SH3GL1: variants seen among roughly 807,000 people sequenced by gnomAD.
SH3GL1 encodes endophilin-A2.
In SH3GL1, 21 loss-of-function variants were observed where a neutral mutation model predicts 48.8. The ratio of observed to expected loss-of-function variants is 0.43; its 90% CI spans 0.30 to 0.62. The LOEUF is 0.62. SH3GL1 is among the 20% of genes least tolerant of loss of function. SH3GL1 has a pLI of 0.11. For missense variants in SH3GL1, 454 were observed against 503.0 expected, an observed-to-expected ratio of 0.90 and a Z score of 0.93; for synonymous variants, 282 against 217.5, an observed-to-expected ratio of 1.30 and a Z score of -2.61.
chr19:4,385,230 C>T (rs1456122752), intron 1 of SH3GL1, among the ~76,000 whole-genome samples: 2 of 152,198 alleles, frequency 1.3e-5, no homozygotes, highest in African/African-American at 2.4e-5. Flanking sequence ...GAAGGCACGC[C>T]GGCCCTGCTC....
chr19:4,392,889 C>T (rs1457095209), intron 1 of SH3GL1, among the ~76,000 whole-genome samples: 2 of 151,792 alleles, frequency 1.3e-5, no homozygotes, highest in African/African-American at 4.8e-5. Flanking sequence ...TGCAGTGAGA[C>T]AAGATCGTGC....
rs1226839862 is a variant in SH3GL1, at chr19:4,361,393, A to G, written c.*207T>C. The G allele has an allele frequency of 1.7e-6, 1 of 580,908 alleles. No individual in the cohort carries two copies. The highest frequency in any genetic ancestry group is 3.1e-6 in the Non-Finnish European group (1 of 326,192). The allele number at this position is 580,908 out of a possible 1,614,324, so 36.0% of individuals were successfully genotyped here. A position where few individuals can be genotyped will look rare whatever the true frequency, so the allele number is the denominator to read the frequency against. On this transcript the variant is annotated 3_prime_UTR_variant, in exon 10 of 10. Coordinates refer to ENST00000269886, the MANE Select transcript of SH3GL1 (RefSeq NM_003025.4). ...GCCGTCACCGTTGGGAGTCAGCGCT[A>G]GTGTAAACAGGCATCCCCACCCACC...
chr19:4,377,712 A>G (rs1269450726), intron 1 of SH3GL1, among the ~76,000 whole-genome samples: 1 of 152,110 alleles, frequency 6.6e-6, no homozygotes. Context: ...GCTCTGGCGC[A>G]TGGGTGCCCC....
In SH3GL1 at chr19:4,360,486, A is replaced by AG. The variant is rs562664946; in HGVS notation, c.*1113dup. ...CTGCGCCCCTCATGTACTTCTGACG[A>AG]GGGGGGTGCAGGGCAGGGCAGAGCA... On this transcript the variant is annotated 3_prime_UTR_variant, in exon 10 of 10. Coordinates refer to ENST00000269886, the MANE Select transcript of SH3GL1 (RefSeq NM_003025.4). 6 of 233,672 alleles carry AG rather than the reference A, an allele frequency of 2.6e-5. No individual in the cohort carries two copies. The highest frequency in any genetic ancestry group is 1.2e-4 in the East Asian group (2 of 16,516). 14.5% of individuals were successfully genotyped at this position (233,672 alleles called of 1,614,324 possible).
intron 1 of SH3GL1, among the ~76,000 whole-genome samples, chr19:4,382,368 C>T (rs965393131): frequency 6.6e-5 from 10 of 151,494 alleles, no homozygotes; most frequent in Non-Finnish European, 1.0e-4. Flanking sequence ...CGCCATTCTC[C>T]TGCCTCAGCC....
chr19:4,367,664 C>T lies in SH3GL1; in HGVS notation c.46-670G>A, dbSNP rs990973569. 6.6e-6 allele frequency among the ~76,000 whole-genome samples: 1 copy of T among 152,208 alleles called. No individual in the cohort carries two copies. The highest frequency in any genetic ancestry group is 1.5e-5 in the Non-Finnish European group (1 of 68,044). On this transcript the variant is annotated intron_variant, in intron 1 of 9. Transcript: ENST00000269886. This position sits in a 1 kb window ranked among gnomAD's most constrained non-coding sequence, Gnocchi z 4.2. ...GCTACGGTGAAAGCGATGACAATGACAGGCACTTACAGCGTCTTTCCTCGT... is the reference window on the plus strand; with the variant it reads ...GCTACGGTGAAAGCGATGACAATGATAGGCACTTACAGCGTCTTTCCTCGT...
intron 1 of SH3GL1, among the ~76,000 whole-genome samples, chr19:4,394,422 G>A (rs1214057837): frequency 6.6e-6 from 1 of 152,132 alleles, no homozygotes; most frequent in African/African-American, 2.4e-5. Flanking sequence ...CAGGGAGATG[G>A]GACCATGACG....
rs1173684905 is a variant in SH3GL1, at chr19:4,376,755, G to A, written c.46-9761C>T. On this transcript the variant is annotated intron_variant, in intron 1 of 9. Coordinates refer to ENST00000269886, the MANE Select transcript of SH3GL1 (RefSeq NM_003025.4). This position sits in a 1 kb window ranked among gnomAD's most constrained non-coding sequence, Gnocchi z 4.3. ...CTCTGTCCATCCAAATGTCCCCATG[G>A]CTGCAAGGCTGCCCCACCCTCCTGC... Among the ~76,000 whole-genome samples, 2 of 152,114 alleles carry A rather than the reference G, an allele frequency of 1.3e-5. No individual in the cohort carries two copies. The highest frequency in any genetic ancestry group is 3.9e-4 in the East Asian group (2 of 5,186).
At chr19:4,384,942 A>G (rs2144908372) in intron 1 of SH3GL1, among the ~76,000 whole-genome samples, 2 of 152,214 alleles carry the variant, frequency 1.3e-5, no homozygotes, top group African/African-American at 4.8e-5. Flanking sequence ...TGTCCCTACT[A>G]AAAATATGAA....
chr19:4,371,129 G>T (rs1972891876), intron 1 of SH3GL1, among the ~76,000 whole-genome samples: 1 of 152,266 alleles, frequency 6.6e-6, no homozygotes, highest in African/African-American at 2.4e-5. Flanking sequence ...CCTGGGAGAA[G>T]GGGGCTATTC....
chr19:4,372,957 G>T (rs1048512677), intron 1 of SH3GL1, among the ~76,000 whole-genome samples: 1 of 152,268 alleles, frequency 6.6e-6, no homozygotes, highest in African/African-American at 2.4e-5. Flanking sequence ...GGCGCTGGCT[G>T]CAGGCAGCTC....
chr19:4,393,651 G>C (rs552586909), intron 1 of SH3GL1, among the ~76,000 whole-genome samples: 2 of 151,908 alleles, frequency 1.3e-5, no homozygotes, highest in African/African-American at 4.8e-5. Flanking sequence ...TGAGCTGGGC[G>C]TGGTGGTATG....
intron 1 of SH3GL1, among the ~76,000 whole-genome samples, chr19:4,396,647 A>G (rs1973429945): frequency 6.6e-6 from 1 of 152,024 alleles, no homozygotes; most frequent in African/African-American, 2.4e-5. Context: ...TTTTGGTATA[A>G]TTATCCTCAT....
chr19:4,370,204 C>A (rs926218353), intron 1 of SH3GL1, among the ~76,000 whole-genome samples: 5 of 152,202 alleles, frequency 3.3e-5, no homozygotes, highest in African/African-American at 1.2e-4. Context: ...AGCCCCAATG[C>A]CCCCGCATCA....
At chr19:4,379,745 G>A (rs925490391) in intron 1 of SH3GL1, among the ~76,000 whole-genome samples, 1 of 152,072 alleles carries the variant, frequency 6.6e-6, no homozygotes, top group Non-Finnish European at 1.5e-5. Flanking sequence ...GGGCGAGCCT[G>A]TGGCCGTGAC....
intron 1 of SH3GL1, among the ~76,000 whole-genome samples, chr19:4,393,555 G>A (rs890023457): frequency 1.3e-5 from 2 of 152,138 alleles, no homozygotes; most frequent in Admixed American, 1.3e-4. Flanking sequence ...CACTTTGGGA[G>A]GCCAAGGCAG....
chr19:4,366,831 C>A, intron 2 of SH3GL1, 95 bp downstream of exon 2: 1 of 1,282,318 alleles, frequency 7.8e-7, no homozygotes, highest in Non-Finnish European at 1.1e-6. Context: ...CACTCCAGAC[C>A]CAGGCCCATC....
At chr19:4,396,600 G>GT (rs944698160) in intron 1 of SH3GL1, among the ~76,000 whole-genome samples, 4 of 152,016 alleles carry the variant, frequency 2.6e-5, no homozygotes, top group African/African-American at 9.7e-5. Flanking sequence ...TAGGAAAATC[G>GT]TAAGAATGGC....
chr19:4,361,660 G>T lies in SH3GL1; in HGVS notation c.1047C>A (p.Asp349Glu). 1 of 1,611,810 alleles carries T rather than the reference G, an allele frequency of 6.2e-7. No individual in the cohort carries two copies. The stretch of plus-strand genomic sequence containing the variant: ...TGAGCGGGAAGAAGCCCGACTGGCC[G>T]TCCAGCATGCCCTCGTACCAGTTCT... ...IDENWYEGML[D>E]GQSGFFPLSY... is the part of the protein sequence containing the mutation. Residue 349 changes from aspartate to glutamate, a missense_variant, in exon 10 of 10, where the codon GAC becomes GAA. Around this residue, in one of 2 missense-constraint regions of SH3GL1, gnomAD observed 278 missense variants for 246.8 expected, o/e 1.13. Transcript: ENST00000269886.
Sources: gnomAD v4.1 joint callset for allele counts (sites outside exome capture counted in the v4.1 genomes callset) on GRCh38, gnomAD v4.1.1 for gene constraint, gnomAD v4.1.1 regional missense constraint, Gnocchi (gnomAD v3.1) non-coding constraint, MANE v1.5 for transcripts, NCBI Gene and HGNC (gene_info 2026-07-23, HGNC 2026-07-21) for gene names.